CROT: variants seen among roughly 807,000 people sequenced by gnomAD.
CROT encodes the protein carnitine O-octanoyltransferase.
In CROT, 84 loss-of-function variants were observed where a neutral mutation model predicts 89.2. The observed-to-expected ratio is 0.94, with a 90% CI of 0.79 to 1.13. The LOEUF is 1.13. Ranked by LOEUF, CROT falls within the 50% of genes most tolerant of loss-of-function variation. CROT has a pLI of 0.00. For synonymous variants in CROT, 212 were observed against 239.5 expected, an observed-to-expected ratio of 0.89 and a Z score of 1.06; for missense variants, 711 against 727.8, an observed-to-expected ratio of 0.98 and a Z score of 0.27.
Position 87,357,359 on chromosome 7 carries a change from T to C in CROT, c.116-1847T>C, listed in dbSNP as rs1806111607. 11 of 1,009,682 alleles carry C rather than the reference T, an allele frequency of 1.1e-5. No homozygotes were observed. The South Asian group carries it at 1.6e-4, about 15-fold the overall frequency. The allele number at this position is 1,009,682 out of a possible 1,614,324, so 62.5% of individuals were successfully genotyped here. A position where few individuals can be genotyped will look rare whatever the true frequency, so the allele number is the denominator to read the frequency against. The stretch of plus-strand genomic sequence containing the variant: ...TGGGCTGGGACTCTAACCCAAATAT[T>C]ATACCCTAGAGACTCTAACCCCATT... On this transcript the variant is annotated intron_variant, in intron 3 of 17. Coordinates refer to ENST00000331536, the MANE Select transcript of CROT (RefSeq NM_021151.4).
chr7:87,359,522 CAG>C, intron 4 of CROT, 192 bp downstream of exon 4: 1 of 1,336,470 alleles, frequency 7.5e-7, no homozygotes, highest in East Asian at 3.1e-5. Flanking sequence ...TGTTAAAATG[CAG>C]ATTTGCTGGG....
chr7:87,375,754 C>G lies in CROT; in HGVS notation c.750+29C>G, dbSNP rs911983054. 4 of 1,611,858 alleles carry G rather than the reference C, an allele frequency of 2.5e-6. No homozygotes were observed. In the Admixed American group the frequency reaches 6.7e-5, roughly 27 times the overall value. ...CTGATTTACACTTTTCTTAACGAAG[C>G]TTTTCTCTAACAAACTCTTTTGATG... On this transcript the variant is annotated intron_variant, in intron 8 of 17. Coordinates refer to ENST00000331536, the MANE Select transcript of CROT (RefSeq NM_021151.4).
rs752372260 is a variant in CROT, at chr7:87,398,558, C to G, written c.1753C>G (p.Pro585Ala). ...GGCCTGTTCAGCCTGGAAATCCTGT[C>G]CCGAGACTGATGCGGAAAAGCTAGT... ...VVACSAWKSC[P>A]ETDAEKLVQL... The change falls in exon 18 of 18, where the codon CCC (proline) becomes GCC (alanine). Residue 585 changes from proline to alanine, a missense_variant. Coordinates refer to ENST00000331536, the MANE Select transcript of CROT (RefSeq NM_021151.4). 36 of 1,613,614 alleles carry G rather than the reference C, an allele frequency of 2.2e-5. No individual in the cohort carries two copies. Among genetic ancestry groups the G allele is most frequent in the Non-Finnish European group, 3.0e-5 (35 of 1,179,854 alleles).
intron 3 of CROT, among the ~76,000 whole-genome samples, chr7:87,349,524 A>G (rs1350923862): frequency 6.6e-6 from 1 of 152,202 alleles, no homozygotes; most frequent in Non-Finnish European, 1.5e-5. Context: ...AAAGAAAACA[A>G]TCCTTGACAT....
At chr7:87,354,322 G>A in intron 3 of CROT, 1 of 512,054 alleles carries the variant, frequency 2.0e-6, no homozygotes, top group South Asian at 1.4e-5. Context: ...AAATTCTGCA[G>A]TGTGACTACT....
chr7:87,398,797 T>A lies in CROT; in HGVS notation c.*153T>A. 4 of 711,560 alleles carry A rather than the reference T, an allele frequency of 5.6e-6. No individual in the cohort carries two copies. The highest frequency in any genetic ancestry group is 9.1e-6 in the Non-Finnish European group (4 of 441,736). The allele number at this position is 711,560 out of a possible 1,614,324, so 44.1% of individuals were successfully genotyped here. On this transcript the variant is annotated 3_prime_UTR_variant, in exon 18 of 18. Transcript: ENST00000331536. ...TTAAATGTAGAAATTAGTAGAATCA[T>A]GCTCTCTAAATTTATTCTGCCATAG...
At chr7:87,355,103 ATTT>A (rs35047228) in intron 3 of CROT, among the ~76,000 whole-genome samples, 3 of 147,024 alleles carry the variant, frequency 2.0e-5, no homozygotes, top group African/African-American at 2.5e-5. Flanking sequence ...AAAAATATGT[ATTT>A]TTTTTTTTTT....
At chr7:87,385,892 G>T (rs774012888) in intron 13 of CROT, among the ~76,000 whole-genome samples, 4 of 152,096 alleles carry the variant, frequency 2.6e-5, no homozygotes, top group Non-Finnish European at 5.9e-5. Flanking sequence ...TATCATGAAG[G>T]TATGTTTAAT....
At chr7:87,347,834 G>C (rs902534023) in intron 2 of CROT, among the ~76,000 whole-genome samples, 1 of 152,088 alleles carries the variant, frequency 6.6e-6, no homozygotes, top group Non-Finnish European at 1.5e-5. Context: ...TAAAAAGGAG[G>C]GAAAGTGCAG....
At chr7:87,370,425 C>G (rs535056645) in intron 7 of CROT, among the ~76,000 whole-genome samples, 1 of 152,120 alleles carries the variant, frequency 6.6e-6, no homozygotes, top group African/African-American at 2.4e-5. Context: ...TTAAATAATC[C>G]GCCTGCCTTG....
chr7:87,395,414 C>A (rs1807494380), intron 17 of CROT, among the ~76,000 whole-genome samples: 1 of 152,180 alleles, frequency 6.6e-6, no homozygotes, highest in Admixed American at 6.5e-5. Context: ...CACCCAGGAT[C>A]AATACTTTGC....
chr7:87,348,064 C>A (rs916385549), intron 2 of CROT, among the ~76,000 whole-genome samples: 3 of 152,168 alleles, frequency 2.0e-5, no homozygotes, highest in Non-Finnish European at 4.4e-5. Context: ...ATTCTGTAAC[C>A]TATGAGTGGA....
intron 4 of CROT, chr7:87,359,669 A>G (rs1301802097): frequency 2.8e-6 from 3 of 1,061,954 alleles, no homozygotes; most frequent in Admixed American, 5.4e-5. Context: ...ACTAGCTTGA[A>G]AAATCAGAAA....
In CROT at chr7:87,349,119, G is replaced by A. The variant is rs1030180624; in HGVS notation, c.51G>A (p.Gln17=). Residue 17 remains glutamine (Q), a synonymous_variant, in exon 3 of 18, where the codon CAG becomes CAA. Coordinates refer to ENST00000331536, the MANE Select transcript of CROT (RefSeq NM_021151.4). ...CTGAAGAACGAACATTTCAGTACCA[G>A]GATTCTCTTCCATCACTGCCTGTTC... The part of the protein sequence containing the change: ...KSTEERTFQY[Q]DSLPSLPVPS... The A allele has an allele frequency of 2.5e-6, 4 of 1,607,960 alleles. No individual in the cohort carries two copies. Among genetic ancestry groups the A allele is most frequent in the Non-Finnish European group, 3.4e-6 (4 of 1,176,594 alleles).
At chr7:87,360,239 T>G (rs1806226579) in intron 4 of CROT, 2 of 329,160 alleles carry the variant, frequency 6.1e-6, no homozygotes, top group African/African-American at 4.5e-5. Context: ...TACTTATGCA[T>G]GGAATTCAAT....
intron 7 of CROT, among the ~76,000 whole-genome samples, chr7:87,372,241 C>G (rs949424532): frequency 6.6e-6 from 1 of 152,032 alleles, no homozygotes; most frequent in African/African-American, 2.4e-5. Flanking sequence ...CTACATTAAT[C>G]TTTTATACAT....
intron 12 of CROT, 62 bp from the exon 13 acceptor site, chr7:87,382,351 T>C: frequency 6.4e-7 from 1 of 1,555,542 alleles, no homozygotes; most frequent in East Asian, 2.2e-5. Context: ...GATAATTTGC[T>C]TCTCTTTGGT....
chr7:87,371,392 G>A (rs1013755124), intron 7 of CROT, among the ~76,000 whole-genome samples: 12 of 152,086 alleles, frequency 7.9e-5, no homozygotes, highest in African/African-American at 2.9e-4. Flanking sequence ...CTATTACATA[G>A]AATTCCATCA....
At chr7:87,362,106 G>A (rs1369050481) in intron 6 of CROT, among the ~76,000 whole-genome samples, 1 of 152,148 alleles carries the variant, frequency 6.6e-6, no homozygotes, top group Non-Finnish European at 1.5e-5. Context: ...AAGTTTACTT[G>A]AAGAGTAGAA....
Sources: gnomAD v4.1 joint callset for allele counts (sites outside exome capture counted in the v4.1 genomes callset) on GRCh38, gnomAD v4.1.1 for gene constraint, MANE v1.5 for transcripts, NCBI Gene and HGNC (gene_info 2026-07-23, HGNC 2026-07-21) for gene names.